MMS22L: variants seen among roughly 807,000 people sequenced by gnomAD.
The protein encoded by MMS22L is protein MMS22-like.
Under a neutral mutation model 159.1 loss-of-function variants are expected in MMS22L, and 74 were observed. The ratio of observed to expected loss-of-function variants is 0.47; its 90% CI spans 0.39 to 0.56. The LOEUF is 0.56. MMS22L is among the 20% of genes least tolerant of loss of function. The pLI, the probability that MMS22L is intolerant of heterozygous loss-of-function variation, is 0.00. For missense variants in MMS22L, 1,351 were observed against 1,422.1 expected (o/e 0.95, Z 0.80); for synonymous variants, 517 against 506.9 (o/e 1.02, Z -0.27).
At chr6:97,281,103 G>T in intron 3 of MMS22L, 134 bp downstream of exon 3, 2 of 784,112 alleles carry the variant, frequency 2.6e-6, no homozygotes, top group South Asian at 2.4e-5. Context: ...TATTGTTACT[G>T]GTAAGATAAT....
At chr6:97,159,948 G>GTTTTTTTTTTTTT (rs368455553) in intron 22 of MMS22L, among the ~76,000 whole-genome samples, 65 of 97,146 alleles carry the variant, frequency 6.7e-4, no homozygotes, top group African/African-American at 1.4e-3. Context: ...TATCATTTCT[G>GTTTTTTTTTTTTT]TTTTTTTTTT....
chr6:97,171,167 G>C (rs553076644), intron 19 of MMS22L, among the ~76,000 whole-genome samples: 3 of 152,220 alleles, frequency 2.0e-5, no homozygotes, highest in East Asian at 3.9e-4. Flanking sequence ...TCCAGCACCT[G>C]ATACATAATA....
intron 19 of MMS22L, among the ~76,000 whole-genome samples, 156 bp downstream of exon 19, chr6:97,172,907 C>T (rs1803696742): frequency 6.6e-6 from 1 of 151,982 alleles, no homozygotes; most frequent in Non-Finnish European, 1.5e-5. Context: ...CATTTGAAGG[C>T]CAACATGAAT....
intron 14 of MMS22L, among the ~76,000 whole-genome samples, chr6:97,192,788 T>A (rs1000005920): frequency 6.6e-6 from 1 of 152,228 alleles, no homozygotes; most frequent in Non-Finnish European, 1.5e-5. Context: ...TGATAATATA[T>A]GTACTAGCCC....
At chr6:97,240,135 A>C (rs1811895163) in intron 11 of MMS22L, among the ~76,000 whole-genome samples, 2 of 152,204 alleles carry the variant, frequency 1.3e-5, no homozygotes, top group African/African-American at 4.8e-5. Flanking sequence ...CTATCCAAAT[A>C]TATTATTCTT....
chr6:97,181,385 G>A (rs1382720186), intron 16 of MMS22L, among the ~76,000 whole-genome samples: 1 of 151,836 alleles, frequency 6.6e-6, no homozygotes, highest in South Asian at 2.1e-4. Flanking sequence ...CAGATCTCTT[G>A]TGTAATGTGG....
chr6:97,212,014 G>A (rs948276565), intron 14 of MMS22L, among the ~76,000 whole-genome samples: 1 of 152,112 alleles, frequency 6.6e-6, no homozygotes, highest in African/African-American at 2.4e-5. Flanking sequence ...ATTTTATGTA[G>A]GGCAATCTCA....
At chr6:97,185,298 C>A (rs981413922) in intron 15 of MMS22L, among the ~76,000 whole-genome samples, 3 of 152,124 alleles carry the variant, frequency 2.0e-5, no homozygotes, top group Non-Finnish European at 4.4e-5. Flanking sequence ...AGTATCTCTC[C>A]AATGCCTATT....
intron 22 of MMS22L, among the ~76,000 whole-genome samples, chr6:97,160,069 A>G (rs553765843): frequency 6.8e-6 from 1 of 148,138 alleles, no homozygotes; most frequent in East Asian, 2.0e-4. Flanking sequence ...ATAAAATACT[A>G]TATTTCTATA....
intron 14 of MMS22L, among the ~76,000 whole-genome samples, chr6:97,202,153 AAAC>A (rs1398371091): frequency 6.6e-6 from 1 of 152,162 alleles, no homozygotes; most frequent in Non-Finnish European, 1.5e-5. Context: ...GCTGTGTACT[AAAC>A]AACTGAGTAA....
chr6:97,195,464 T>C (rs1279377425), intron 14 of MMS22L, among the ~76,000 whole-genome samples: 1 of 152,114 alleles, frequency 6.6e-6, no homozygotes, highest in Non-Finnish European at 1.5e-5. Context: ...GTTTGAAGAA[T>C]GAAAAAAACG....
intron 10 of MMS22L, among the ~76,000 whole-genome samples, chr6:97,249,363 AAAT>A (rs1273937701): frequency 2.6e-5 from 4 of 152,140 alleles, no homozygotes; most frequent in Non-Finnish European, 1.5e-5. Context: ...TAAGAAAACA[AAAT>A]AATAGCTTTC....
chr6:97,271,259 T>C (rs1053853696), intron 6 of MMS22L: 12 of 152,160 alleles, frequency 7.9e-5, no homozygotes, highest in Admixed American at 1.3e-4. Flanking sequence ...AAAGTTCCCC[T>C]GCTTTAAAAA....
At chr6:97,255,389 A>C (rs1417691759) in intron 9 of MMS22L, among the ~76,000 whole-genome samples, 1 of 152,058 alleles carries the variant, frequency 6.6e-6, no homozygotes, top group African/African-American at 2.4e-5. Context: ...GTATTTTTGT[A>C]ACCATCTTAA....
chr6:97,231,459 T>G lies in MMS22L; in HGVS notation c.1496A>C (p.Asn499Thr). The change falls in exon 13 of 25, where the codon AAT (asparagine) becomes ACT (threonine). Residue 499 changes from asparagine (N) to threonine (T), a missense_variant. Coordinates refer to ENST00000683635, the MANE Select transcript of MMS22L (RefSeq NM_001350599.2). Reference sequence around the variant, plus strand: ...GACTTGTTTCCAAGGATGAGGGCCATTGCTCTTCATTGCTTTTTTAACAAC... The same window carrying G: ...GACTTGTTTCCAAGGATGAGGGCCAGTGCTCTTCATTGCTTTTTTAACAAC... ...AKVVKKAMKS[N>T]GPHPWKQVKG... 1 of 1,613,652 alleles carries G rather than the reference T, an allele frequency of 6.2e-7. No homozygotes were observed. The highest frequency in any genetic ancestry group is 8.5e-7 in the Non-Finnish European group (1 of 1,179,766).
chr6:97,249,119 C>T (rs1812969531), intron 10 of MMS22L, among the ~76,000 whole-genome samples: 2 of 152,108 alleles, frequency 1.3e-5, no homozygotes, highest in African/African-American at 4.8e-5. Context: ...GCCACGTGAG[C>T]AATTCAGTAG....
At position 97,181,955 on chromosome 6, in the gene MMS22L, A is replaced by G; in HGVS notation, c.2333T>C (p.Ile778Thr). 1 of 1,613,806 alleles carries G rather than the reference A, an allele frequency of 6.2e-7. No individual in the cohort carries two copies. Among genetic ancestry groups the G allele is most frequent in the Non-Finnish European group, 8.5e-7 (1 of 1,179,788 alleles). Residue 778 changes from isoleucine (I) to threonine (T), a missense_variant, in exon 16 of 25, where the codon ATC becomes ACC. Physicochemically the swap from Ile to Thr is moderately conservative, Grantham distance 89. Coordinates refer to ENST00000683635, the MANE Select transcript of MMS22L (RefSeq NM_001350599.2). Reference protein sequence around the residue: ...SIIQLFGWDDIICPQVVARYL... With the variant: ...SIIQLFGWDDTICPQVVARYL... ...TCTTGCTACAACTTGAGGGCAGATGATATCATCCCAACCAAAAAGTTGAAT... is the reference window on the plus strand; with the variant it reads ...TCTTGCTACAACTTGAGGGCAGATGGTATCATCCCAACCAAAAAGTTGAAT...
At chr6:97,187,494 A>G (rs1350655568) in intron 14 of MMS22L, among the ~76,000 whole-genome samples, 1 of 152,136 alleles carries the variant, frequency 6.6e-6, no homozygotes, top group African/African-American at 2.4e-5. Context: ...TAAATGTACA[A>G]CCATGCTATT....
At chr6:97,277,338 AG>A (rs1816333068) in intron 4 of MMS22L, among the ~76,000 whole-genome samples, 1 of 151,972 alleles carries the variant, frequency 6.6e-6, no homozygotes, top group Non-Finnish European at 1.5e-5. Flanking sequence ...GCTTGAACCC[AG>A]GGGGCTGGAG....
Sources: gnomAD v4.1 joint callset for allele counts (sites outside exome capture counted in the v4.1 genomes callset) on GRCh38, gnomAD v4.1.1 for gene constraint, MANE v1.5 for transcripts, NCBI Gene and HGNC (gene_info 2026-07-23, HGNC 2026-07-21) for gene names.